EZH2: variants seen among roughly 807,000 people sequenced by gnomAD.
EZH2 encodes the protein enhancer of zeste 2 polycomb repressive complex 2 subunit, also known as histone-lysine N-methyltransferase EZH2.
In EZH2, 18 loss-of-function variants were observed where a neutral mutation model predicts 98.4. That is an observed-to-expected ratio of 0.18 (90% CI 0.13 to 0.27). The LOEUF is 0.27. Ranked by LOEUF, EZH2 falls within the 10% of genes least tolerant of loss-of-function variation. EZH2 has a pLI of 1.00. For synonymous variants in EZH2, 338 were observed against 312.3 expected, an observed-to-expected ratio of 1.08 and a Z score of -0.87; for missense variants, 470 against 935.1, an observed-to-expected ratio of 0.50 and a Z score of 6.49.
chr7:148,870,370 T>C (rs945327296), intron 1 of EZH2, among the ~76,000 whole-genome samples: 3 of 152,162 alleles, frequency 2.0e-5, no homozygotes, highest in African/African-American at 7.2e-5. Flanking sequence ...GAATAAGGAT[T>C]GCACAGTTTT....
chr7:148,848,455 G>T (rs1340025683), intron 1 of EZH2, among the ~76,000 whole-genome samples: 1 of 152,206 alleles, frequency 6.6e-6, no homozygotes, highest in Non-Finnish European at 1.5e-5. Flanking sequence ...GCAAATAAAT[G>T]AGTAGGGCAG....
intron 10 of EZH2, 123 bp from the exon 11 acceptor site, chr7:148,817,514 CACTA>C: frequency 2.2e-6 from 2 of 924,778 alleles, no homozygotes; most frequent in Non-Finnish European, 3.2e-6. Context: ...ATCGGCAAAA[CACTA>C]ACCCATCGTA....
chr7:148,853,367 A>G (rs1235355847), intron 1 of EZH2, among the ~76,000 whole-genome samples: 1 of 152,164 alleles, frequency 6.6e-6, no homozygotes, highest in East Asian at 1.9e-4. Context: ...AGCCAGGATC[A>G]TGCCACTGCA....
rs552347710 is a variant in EZH2 at position 148,811,388 on chromosome 7, C to A, written c.1947+237G>T. On this transcript the variant is annotated intron_variant, in intron 16 of 19. Coordinates refer to ENST00000320356, the MANE Select transcript of EZH2 (RefSeq NM_004456.5). Reference sequence around the variant, plus strand: ...CTGGTCTCCAACTCCTGAGCTCAAGCAATCCACCTGCCTCGGCCTCCCAAA... The same window carrying A: ...CTGGTCTCCAACTCCTGAGCTCAAGAAATCCACCTGCCTCGGCCTCCCAAA... Among the ~76,000 whole-genome samples, 5 of 152,182 alleles carry A rather than the reference C, an allele frequency of 3.3e-5. No individual in the cohort carries two copies. The East Asian group carries it at 9.7e-4, about 29-fold the overall frequency.
chr7:148,856,384 C>G (rs569802985), intron 1 of EZH2, among the ~76,000 whole-genome samples: 1 of 152,128 alleles, frequency 6.6e-6, no homozygotes, highest in East Asian at 1.9e-4. Context: ...TATGAACTCA[C>G]GTGTATTTTA....
At chr7:148,864,085 A>G (rs1294090454) in intron 1 of EZH2, among the ~76,000 whole-genome samples, 1 of 152,256 alleles carries the variant, frequency 6.6e-6, no homozygotes, top group African/African-American at 2.4e-5. Context: ...ATACTAATTT[A>G]GCAATCTTAG....
Position 148,867,064 on chromosome 7 carries a change from C to T in EZH2, c.-8+17100G>A, listed in dbSNP as rs531728297. ...AGTCTTGGCCAGGCGTGGTGGCTCA[C>T]GCCTGTAATCCCAGCACTTTGGGAA... On this transcript the variant is annotated intron_variant, in intron 1 of 19. Transcript: ENST00000320356. Among the ~76,000 whole-genome samples the T allele has an allele frequency of 6.0e-5, 9 of 151,222 alleles. No individual in the cohort carries two copies. The East Asian group carries it at 6.0e-4, about 10-fold the overall frequency.
intron 6 of EZH2, 106 bp from the exon 7 acceptor site, chr7:148,827,372 G>GA: frequency 1.3e-6 from 1 of 767,670 alleles, no homozygotes; most frequent in Non-Finnish European, 2.1e-6. Context: ...GATTTTCTAA[G>GA]AAATCATCTC....
At chr7:148,830,852 T>C (rs1809187716) in intron 4 of EZH2, among the ~76,000 whole-genome samples, 1 of 152,204 alleles carries the variant, frequency 6.6e-6, no homozygotes, top group Admixed American at 6.5e-5. Context: ...ACAGCAGTTA[T>C]AGATAAAGAC....
intron 1 of EZH2, among the ~76,000 whole-genome samples, chr7:148,860,245 C>T (rs1000796887): frequency 6.6e-6 from 1 of 150,800 alleles, no homozygotes; most frequent in Non-Finnish European, 1.5e-5. Flanking sequence ...TTGAAAAACA[C>T]CACATGAGAA....
intron 8 of EZH2, among the ~76,000 whole-genome samples, chr7:148,823,758 C>T (rs557993790): frequency 5.9e-5 from 9 of 151,898 alleles, no homozygotes; most frequent in African/African-American, 2.2e-4. Context: ...TCAAGCAGTC[C>T]TCCCACCTCT....
chr7:148,812,967 A>G (rs761675829), intron 15 of EZH2, among the ~76,000 whole-genome samples: 9 of 152,234 alleles, frequency 5.9e-5, no homozygotes, highest in Non-Finnish European at 1.2e-4. Flanking sequence ...AATTTCTGGT[A>G]GAAGGGGACT....
intron 1 of EZH2, among the ~76,000 whole-genome samples, chr7:148,867,553 T>C (rs957637288): frequency 6.6e-6 from 1 of 152,218 alleles, no homozygotes; most frequent in East Asian, 1.9e-4. Flanking sequence ...ATATAATTCC[T>C]ACAGTTACCT....
intron 3 of EZH2, among the ~76,000 whole-genome samples, chr7:148,839,053 T>TAAGGAAGGAAGGAAGGAGAAGGAAGG (rs1811655509): frequency 9.3e-6 from 1 of 107,744 alleles, no homozygotes; most frequent in African/African-American, 3.7e-5. Context: ...CTCTGTCAAA[T>TAAGGAAGGAAGGAAGGAGAAGGAAGG]AAGGAAGGAA....
intron 1 of EZH2, among the ~76,000 whole-genome samples, chr7:148,867,281 G>A (rs550761757): frequency 2.0e-5 from 3 of 151,880 alleles, no homozygotes; most frequent in South Asian, 2.1e-4. Context: ...GGCCGAGATC[G>A]CACCATTGTA....
intron 1 of EZH2, among the ~76,000 whole-genome samples, chr7:148,858,301 AC>A (rs1817150912): frequency 6.6e-6 from 1 of 151,438 alleles, no homozygotes; most frequent in African/African-American, 2.4e-5. Context: ...CAAAAAAAAA[AC>A]AGGTAGTAAT....
At position 148,823,530 on chromosome 7, in the gene EZH2, T is replaced by G. The variant is rs1219393415; in HGVS notation, c.907+2924A>C. On this transcript the variant is annotated intron_variant, in intron 8 of 19. Coordinates refer to ENST00000320356, the MANE Select transcript of EZH2 (RefSeq NM_004456.5). ...ATCTTTATACTTGTCAAAGAAACTGTAAAAAAAATACGAGAACCAATAAAA... is the reference window on the plus strand; with the variant it reads ...ATCTTTATACTTGTCAAAGAAACTGGAAAAAAAATACGAGAACCAATAAAA... Among the ~76,000 whole-genome samples the G allele has an allele frequency of 2.0e-5, 3 of 151,836 alleles. No homozygotes were observed. The East Asian group carries it at 5.8e-4, about 30-fold the overall frequency.
At chr7:148,879,915 G>T (rs1348657387) in intron 1 of EZH2, among the ~76,000 whole-genome samples, 3 of 151,934 alleles carry the variant, frequency 2.0e-5, no homozygotes, top group African/African-American at 7.3e-5. Flanking sequence ...GATCAACGTG[G>T]GCAACAAAGC....
chr7:148,872,245 T>A (rs2129492379), intron 1 of EZH2, among the ~76,000 whole-genome samples: 1 of 152,222 alleles, frequency 6.6e-6, no homozygotes, highest in South Asian at 2.1e-4. Flanking sequence ...AAGGGGCAAA[T>A]ACTGTTTAAT....
Sources: gnomAD v4.1 joint callset for allele counts (sites outside exome capture counted in the v4.1 genomes callset) on GRCh38, gnomAD v4.1.1 for gene constraint, MANE v1.5 for transcripts, NCBI Gene and HGNC (gene_info 2026-07-23, HGNC 2026-07-21) for gene names.